FSTL5: variants seen among roughly 807,000 people sequenced by gnomAD.
FSTL5 encodes the protein follistatin like 5.
In FSTL5, 62 loss-of-function variants were observed where a neutral mutation model predicts 89.1. The ratio of observed to expected loss-of-function variants is 0.70; its 90% confidence interval spans 0.57 to 0.86. FSTL5 has a LOEUF of 0.86. Among genes scored for constraint, FSTL5 ranks in the 40% least tolerant of loss-of-function variants. The pLI is 0.00. For synonymous variants in FSTL5, 383 were observed against 346.2 expected, an observed-to-expected ratio of 1.11 and a Z score of -1.18; for missense variants, 1,057 against 1,001.6, an observed-to-expected ratio of 1.06 and a Z score of -0.75.
intron 12 of FSTL5, among the ~76,000 whole-genome samples, chr4:161,490,030 G>C (rs1051987381): frequency 3.3e-5 from 5 of 151,888 alleles, no homozygotes; most frequent in Middle Eastern, 3.2e-3. Context: ...ATTCATATAA[G>C]TGGAAAACAG....
At chr4:161,433,513 C>A (rs1218225097) in intron 15 of FSTL5, among the ~76,000 whole-genome samples, 1 of 152,024 alleles carries the variant, frequency 6.6e-6, no homozygotes, top group Non-Finnish European at 1.5e-5. Context: ...ACAGGAATGC[C>A]CACTTTCACC....
At chr4:161,962,374 T>G (rs1028802662) in intron 3 of FSTL5, among the ~76,000 whole-genome samples, 4 of 152,006 alleles carry the variant, frequency 2.6e-5, no homozygotes, top group African/African-American at 9.7e-5. Flanking sequence ...AAATCATCTC[T>G]GTTTGCTACT....
intron 7 of FSTL5, among the ~76,000 whole-genome samples, chr4:161,589,028 C>T (rs1420041361): frequency 2.7e-5 from 4 of 149,382 alleles, no homozygotes; most frequent in Non-Finnish European, 5.9e-5. Context: ...GGCAGGGTTC[C>T]CAGGCTCTGG....
chr4:161,878,630 G>GA (rs1732525197), intron 4 of FSTL5, among the ~76,000 whole-genome samples: 1 of 151,750 alleles, frequency 6.6e-6, no homozygotes, highest in African/African-American at 2.4e-5. Context: ...TTAAGAGTAA[G>GA]AAAAAATAAG....
At chr4:161,975,419 A>G (rs1225139107) in intron 3 of FSTL5, among the ~76,000 whole-genome samples, 2 of 151,756 alleles carry the variant, frequency 1.3e-5, no homozygotes, top group Non-Finnish European at 2.9e-5. Context: ...AATACTATGC[A>G]GCCATAAAAA....
chr4:161,875,669 C>A (rs1413601729), intron 4 of FSTL5, among the ~76,000 whole-genome samples: 1 of 152,146 alleles, frequency 6.6e-6, no homozygotes, highest in African/African-American at 2.4e-5. Flanking sequence ...TTCATTCATT[C>A]TTTCTTTGCT....
At chr4:161,634,810 A>C (rs1424963699) in intron 7 of FSTL5, among the ~76,000 whole-genome samples, 1 of 152,146 alleles carries the variant, frequency 6.6e-6, no homozygotes, top group Non-Finnish European at 1.5e-5. Flanking sequence ...AATTATTGAG[A>C]TCCAATGAAC....
chr4:162,037,054 T>C (rs944592068), intron 2 of FSTL5, among the ~76,000 whole-genome samples: 5 of 151,948 alleles, frequency 3.3e-5, no homozygotes, highest in Non-Finnish European at 7.4e-5. Context: ...TTTTGTAATA[T>C]TACATTATTA....
chr4:161,391,514 A>C (rs1327573300), intron 15 of FSTL5, among the ~76,000 whole-genome samples: 1 of 152,170 alleles, frequency 6.6e-6, no homozygotes, highest in Admixed American at 6.6e-5. Flanking sequence ...TAAACCATAA[A>C]TCTGACATGA....
intron 10 of FSTL5, among the ~76,000 whole-genome samples, chr4:161,523,157 A>C (rs1465798070): frequency 6.6e-6 from 1 of 152,186 alleles, no homozygotes; most frequent in Non-Finnish European, 1.5e-5. Flanking sequence ...TAAAGCAAGC[A>C]TGTGTTAAAA....
intron 7 of FSTL5, among the ~76,000 whole-genome samples, chr4:161,605,213 G>C (rs923514772): frequency 6.6e-6 from 1 of 152,070 alleles, no homozygotes; most frequent in Admixed American, 6.6e-5. Flanking sequence ...TTTTCAATTT[G>C]TGAAAATTCA....
intron 1 of FSTL5, among the ~76,000 whole-genome samples, chr4:162,115,577 G>T (rs1214268201): frequency 6.6e-6 from 1 of 152,100 alleles, no homozygotes; most frequent in African/African-American, 2.4e-5. Context: ...GTGCAATAAT[G>T]ATCCTGTGAC....
chr4:161,839,614 T>C (rs1320243459), intron 4 of FSTL5, among the ~76,000 whole-genome samples: 3 of 152,080 alleles, frequency 2.0e-5, no homozygotes, highest in South Asian at 2.1e-4. Context: ...ACCATGTATA[T>C]ACTGTTGGTT....
At chr4:161,521,866 A>AAAG (rs1560935957) in intron 10 of FSTL5, among the ~76,000 whole-genome samples, 70 of 116,342 alleles carry the variant, frequency 6.0e-4, no homozygotes, top group Non-Finnish European at 9.9e-4. Context: ...AAAAAAAAAG[A>AAAG]AAAAAAAAGA....
At chr4:161,610,285 T>C (rs1237804003) in intron 7 of FSTL5, among the ~76,000 whole-genome samples, 1 of 152,136 alleles carries the variant, frequency 6.6e-6, no homozygotes, top group Non-Finnish European at 1.5e-5. Flanking sequence ...TGTGTAAAAA[T>C]AAAGCATGCT....
At chr4:161,404,729 AC>A (rs975444273) in intron 15 of FSTL5, among the ~76,000 whole-genome samples, 35 of 152,084 alleles carry the variant, frequency 2.3e-4, no homozygotes, top group African/African-American at 8.4e-4. Flanking sequence ...AACAATGATA[AC>A]TCATAGAATT....
At chr4:161,517,937 T>C (rs995246079) in intron 10 of FSTL5, among the ~76,000 whole-genome samples, 2 of 152,210 alleles carry the variant, frequency 1.3e-5, no homozygotes, top group Non-Finnish European at 2.9e-5. Flanking sequence ...GGATAAAGTG[T>C]AATCTGTAAA....
intron 4 of FSTL5, among the ~76,000 whole-genome samples, chr4:161,843,816 G>A (rs1007130108): frequency 4.1e-4 from 62 of 152,084 alleles, no homozygotes; most frequent in African/African-American, 1.4e-3. Flanking sequence ...AGACTTAAAC[G>A]TAAGTCCTAA....
chr4:161,731,950 G>T (rs1163888449), intron 6 of FSTL5, among the ~76,000 whole-genome samples: 1 of 151,944 alleles, frequency 6.6e-6, no homozygotes, highest in Non-Finnish European at 1.5e-5. Flanking sequence ...AAATAAAACT[G>T]CTATAAACAT....
Sources: gnomAD v4.1 joint callset for allele counts (sites outside exome capture counted in the v4.1 genomes callset) on GRCh38, gnomAD v4.1.1 for gene constraint, MANE v1.5 for transcripts, NCBI Gene and HGNC (gene_info 2026-07-23, HGNC 2026-07-21) for gene names.